The following VRK2 variants were observed in gnomAD, a reference collection of about 807,000 sequenced individuals.
VRK2 encodes the protein VRK serine/threonine kinase 2, also known as serine/threonine-protein kinase VRK2.
VRK2 carries 60 observed loss-of-function variants against 57.6 expected under a neutral mutation model. The ratio of observed to expected loss-of-function variants is 1.04; its 90% confidence interval spans 0.85 to 1.29. The LOEUF (loss-of-function observed/expected upper bound fraction) is 1.29, where lower values mean the gene tolerates loss of function less well. Ranked by LOEUF, VRK2 falls within the 50% of genes most tolerant of loss-of-function variation. The probability of loss-of-function intolerance (pLI) is 0.00; values close to 1 mark genes in which losing one functional copy is unlikely to be tolerated. For missense variants in VRK2, 705 were observed against 588.1 expected (o/e 1.20, Z -2.06); for synonymous variants, 231 against 199.2 (o/e 1.16, Z -1.35).
intron 2 of VRK2, among the ~76,000 whole-genome samples, chr2:58,064,170 A>T (rs562397257): frequency 6.6e-6 from 1 of 152,174 alleles, no homozygotes; most frequent in South Asian, 2.1e-4. Context: ...AGAGTTTTAG[A>T]GTATTACATA....
intron 2 of VRK2, among the ~76,000 whole-genome samples, chr2:58,059,699 A>G (rs1329318486): frequency 6.6e-6 from 1 of 151,850 alleles, no homozygotes; most frequent in African/African-American, 2.4e-5. Flanking sequence ...TGATTATTAT[A>G]TACTCAAGGG....
At chr2:58,006,942 C>T (rs971584762) in intron 1 of VRK2, among the ~76,000 whole-genome samples, 12 of 152,068 alleles carry the variant, frequency 7.9e-5, no homozygotes, top group Non-Finnish European at 5.9e-5. Context: ...ATCCAGAATC[C>T]TTCTAATGAG....
intron 8 of VRK2, among the ~76,000 whole-genome samples, chr2:58,127,005 T>G (rs1339241243): frequency 6.6e-6 from 1 of 152,118 alleles, no homozygotes; most frequent in Non-Finnish European, 1.5e-5. Context: ...TTTAAATACT[T>G]CAGACCTGTG....
intron 7 of VRK2, among the ~76,000 whole-genome samples, chr2:58,110,751 T>C (rs936954874): frequency 1.3e-5 from 2 of 151,918 alleles, no homozygotes; most frequent in African/African-American, 4.8e-5. Context: ...CTGACACTTG[T>C]GAAAGGAAAG....
At chr2:58,135,269 T>C in intron 10 of VRK2, 70 bp downstream of exon 10, 1 of 1,569,502 alleles carries the variant, frequency 6.4e-7, no homozygotes, top group Non-Finnish European at 8.8e-7. Context: ...TATCGTTTGG[T>C]AGCTTTTGCT....
intron 3 of VRK2, among the ~76,000 whole-genome samples, chr2:58,039,696 T>C (rs1674385015): frequency 6.6e-6 from 1 of 152,062 alleles, no homozygotes; most frequent in South Asian, 2.1e-4. Flanking sequence ...AGAATAAAAA[T>C]ATTATATACA....
chr2:57,953,577 A>G (rs1046580648), intron 1 of VRK2, among the ~76,000 whole-genome samples: 3 of 152,220 alleles, frequency 2.0e-5, no homozygotes, highest in African/African-American at 7.2e-5. Flanking sequence ...TAAGGTAGTT[A>G]TTATAGTTCC....
At chr2:58,152,431 A>G (rs1459300385) in intron 12 of VRK2, among the ~76,000 whole-genome samples, 1 of 151,906 alleles carries the variant, frequency 6.6e-6, no homozygotes, top group African/African-American at 2.4e-5. Context: ...TTACATGTGT[A>G]ATATATTTCA....
chr2:58,048,410 G>C (rs912551685), intron 1 of VRK2: 17 of 477,166 alleles, frequency 3.6e-5, no homozygotes, highest in Admixed American at 7.5e-5. Context: ...TTCTTTTCTA[G>C]TGACTGAAGA....
chr2:57,994,865 T>A (rs1194170694), intron 1 of VRK2, among the ~76,000 whole-genome samples: 1 of 152,174 alleles, frequency 6.6e-6, no homozygotes, highest in Admixed American at 6.6e-5. Context: ...CAAAAAAAAT[T>A]AATGAGAATG....
chr2:58,012,034 A>G (rs542000687), intron 1 of VRK2, among the ~76,000 whole-genome samples: 5 of 152,250 alleles, frequency 3.3e-5, no homozygotes, highest in African/African-American at 1.2e-4. Context: ...GTTACTCCAA[A>G]ATATATTTCT....
chr2:57,997,357 G>C (rs1035203759), intron 1 of VRK2, among the ~76,000 whole-genome samples: 6 of 152,046 alleles, frequency 3.9e-5, no homozygotes, highest in African/African-American at 1.4e-4. Flanking sequence ...GGAAGAAATG[G>C]TAGAAGGCCT....
At chr2:58,084,541 G>A (rs893188473) in intron 3 of VRK2, among the ~76,000 whole-genome samples, 11 of 151,824 alleles carry the variant, frequency 7.2e-5, no homozygotes, top group African/African-American at 9.7e-5. Flanking sequence ...AGTTTGCTGT[G>A]TATCACCTGG....
At chr2:58,005,489 TTAA>T (rs1476066302) in intron 1 of VRK2, among the ~76,000 whole-genome samples, 4 of 152,004 alleles carry the variant, frequency 2.6e-5, no homozygotes, top group Non-Finnish European at 5.9e-5. Flanking sequence ...TATGTTGCTT[TTAA>T]TAATAAGATA....
intron 2 of VRK2, among the ~76,000 whole-genome samples, chr2:58,056,858 G>C (rs1319385122): frequency 2.0e-5 from 3 of 152,136 alleles, no homozygotes; most frequent in African/African-American, 7.2e-5. Context: ...ACCTAGACTT[G>C]GTAGACTGGA....
intron 7 of VRK2, among the ~76,000 whole-genome samples, chr2:58,105,128 AGCTCTT>A (rs1674550236): frequency 6.6e-6 from 1 of 152,046 alleles, no homozygotes; most frequent in Non-Finnish European, 1.5e-5. Context: ...AACAAGGGAA[AGCTCTT>A]GTGGACATTG....
rs547159637 is a variant in VRK2, at chr2:58,112,150, A to G, written c.544-10951A>G. Among the ~76,000 whole-genome samples, 39 of 152,310 alleles carry G rather than the reference A, an allele frequency of 2.6e-4. No individual in the cohort carries two copies. The East Asian group carries it at 7.5e-3, about 29-fold the overall frequency. ...AAAGAGAATGGAATTTGGAAGTCATATCAGCCAGGATTCGAATCCTGCTTT... is the reference window on the plus strand; with the variant it reads ...AAAGAGAATGGAATTTGGAAGTCATGTCAGCCAGGATTCGAATCCTGCTTT... On this transcript the variant is annotated intron_variant, in intron 7 of 12. Coordinates refer to ENST00000340157, the MANE Select transcript of VRK2 (RefSeq NM_006296.7).
chr2:58,074,371 T>TA (rs1161072844), intron 2 of VRK2, among the ~76,000 whole-genome samples: 1 of 152,120 alleles, frequency 6.6e-6, no homozygotes, highest in Non-Finnish European at 1.5e-5. Flanking sequence ...CTTGGTTTTT[T>TA]ATCTGTTTTT....
intron 1 of VRK2, among the ~76,000 whole-genome samples, chr2:57,978,322 A>C (rs1423269458): frequency 6.6e-6 from 1 of 151,188 alleles, no homozygotes; most frequent in African/African-American, 2.5e-5. Flanking sequence ...AAAAATTATT[A>C]CAGTAATTCC....
Sources: gnomAD v4.1 joint callset for allele counts (sites outside exome capture counted in the v4.1 genomes callset) on GRCh38, gnomAD v4.1.1 for gene constraint, MANE v1.5 for transcripts, NCBI Gene and HGNC (gene_info 2026-07-23, HGNC 2026-07-21) for gene names.